The following PLCB1 variants were observed in gnomAD, a reference collection of about 807,000 sequenced individuals.
PLCB1 encodes phospholipase C beta 1, also known as 1-phosphatidylinositol 4,5-bisphosphate phosphodiesterase beta-1.
A neutral mutation model predicts 161.8 loss-of-function variants in PLCB1; 46 were observed. The observed-to-expected ratio is 0.28, with a 90% confidence interval of 0.22 to 0.36. The LOEUF is 0.36. Among genes scored for constraint, PLCB1 ranks in the 10% least tolerant of loss-of-function variants. The pLI is 1.00. For synonymous variants in PLCB1, 517 were observed against 503.7 expected, an observed-to-expected ratio of 1.03 and a Z score of -0.35; for missense variants, 1,016 against 1,472.5, an observed-to-expected ratio of 0.69 and a Z score of 5.07.
At chr20:8,386,370 A>G (rs973910368) in intron 3 of PLCB1, among the ~76,000 whole-genome samples, 2 of 152,190 alleles carry the variant, frequency 1.3e-5, no homozygotes, top group Non-Finnish European at 2.9e-5. Flanking sequence ...ATCTCCTTGT[A>G]TATCACCATC....
intron 2 of PLCB1, among the ~76,000 whole-genome samples, chr20:8,335,946 G>A (rs774372781): frequency 7.9e-5 from 12 of 152,178 alleles, no homozygotes; most frequent in African/African-American, 1.7e-4. Context: ...GGGTTCTGGC[G>A]CTGCTTCTAG....
chr20:8,807,935 T>C (rs578110066), intron 31 of PLCB1, among the ~76,000 whole-genome samples: 1 of 152,314 alleles, frequency 6.6e-6, no homozygotes, highest in Non-Finnish European at 1.5e-5. Context: ...GACAAAAGAC[T>C]ATGTTCATCA....
At chr20:8,198,997 G>T (rs763353840) in intron 2 of PLCB1, among the ~76,000 whole-genome samples, 6 of 151,586 alleles carry the variant, frequency 4.0e-5, no homozygotes, top group African/African-American at 4.9e-5. Context: ...TATCTGGACA[G>T]AAACATCTTA....
At chr20:8,680,401 G>A (rs1402765716) in intron 9 of PLCB1, among the ~76,000 whole-genome samples, 1 of 152,090 alleles carries the variant, frequency 6.6e-6, no homozygotes, top group African/African-American at 2.4e-5. Flanking sequence ...TGACCCCTTA[G>A]CTGACACCTA....
At chr20:8,310,616 A>C (rs566372309) in intron 2 of PLCB1, among the ~76,000 whole-genome samples, 1 of 152,000 alleles carries the variant, frequency 6.6e-6, no homozygotes, top group African/African-American at 2.4e-5. Context: ...TTTAATTTCC[A>C]TTTTTATTTT....
At chr20:8,726,918 A>G (rs1042932615) in intron 16 of PLCB1, among the ~76,000 whole-genome samples, 5 of 152,120 alleles carry the variant, frequency 3.3e-5, no homozygotes, top group African/African-American at 7.2e-5. Flanking sequence ...AAACATTCCC[A>G]TGGTCTCTTT....
At chr20:8,662,023 TAC>T (rs1989651393) in intron 9 of PLCB1, among the ~76,000 whole-genome samples, 1 of 22,024 alleles carries the variant, frequency 4.5e-5, no homozygotes, top group Non-Finnish European at 1.1e-4. Context: ...ATATATAATA[TAC>T]AATTATTTAT....
intron 9 of PLCB1, among the ~76,000 whole-genome samples, chr20:8,664,009 A>C (rs1236453373): frequency 6.6e-6 from 1 of 152,190 alleles, no homozygotes; most frequent in African/African-American, 2.4e-5. Context: ...GCAGACTTCA[A>C]CTGATATATC....
chr20:8,623,424 T>A (rs568152093), intron 3 of PLCB1, among the ~76,000 whole-genome samples: 1 of 152,324 alleles, frequency 6.6e-6, no homozygotes, highest in East Asian at 1.9e-4. Flanking sequence ...CTAAGCTAAT[T>A]ATATTTTCTC....
At chr20:8,834,233 G>A (rs1986165971) in intron 31 of PLCB1, among the ~76,000 whole-genome samples, 2 of 152,138 alleles carry the variant, frequency 1.3e-5, no homozygotes, top group South Asian at 4.2e-4. Flanking sequence ...GTTATAGCAT[G>A]TTGGATGTAG....
At chr20:8,829,410 A>G (rs6077431) in intron 31 of PLCB1, among the ~76,000 whole-genome samples, 43,962 of 152,134 alleles carry the variant, frequency 0.29, 6,524 homozygotes, top group Middle Eastern at 0.41. Context: ...ATTCAGATGA[A>G]CACCTTCGTG....
chr20:8,517,442 C>A (rs1332319083), intron 3 of PLCB1, among the ~76,000 whole-genome samples: 1 of 152,160 alleles, frequency 6.6e-6, no homozygotes, highest in Non-Finnish European at 1.5e-5. Context: ...TATTAAGGCT[C>A]ACATACAGGG....
chr20:8,475,853 AT>A (rs2122729224), intron 3 of PLCB1, among the ~76,000 whole-genome samples: 1 of 152,362 alleles, frequency 6.6e-6, no homozygotes, highest in South Asian at 2.1e-4. Context: ...GCTATTTTGT[AT>A]TACTATTTCC....
At chr20:8,364,176 G>C (rs996868941) in intron 2 of PLCB1, among the ~76,000 whole-genome samples, 1 of 152,164 alleles carries the variant, frequency 6.6e-6, no homozygotes, top group African/African-American at 2.4e-5. Flanking sequence ...GCTCCCGGAA[G>C]AATGCATGAA....
chr20:8,166,768 G>T (rs900396190), intron 2 of PLCB1, among the ~76,000 whole-genome samples: 1 of 151,806 alleles, frequency 6.6e-6, no homozygotes, highest in African/African-American at 2.4e-5. Flanking sequence ...CTTTCCTTTT[G>T]TGCTCCGTCC....
At chr20:8,874,965 G>A (rs6118366) in intron 31 of PLCB1, among the ~76,000 whole-genome samples, 8,442 of 151,508 alleles carry the variant, frequency 0.056, 460 homozygotes, top group African/African-American at 0.14. Context: ...GAATGTTATT[G>A]CTTCTTTAAA....
intron 2 of PLCB1, among the ~76,000 whole-genome samples, chr20:8,314,136 G>A (rs948742067): frequency 3.3e-5 from 5 of 152,058 alleles, no homozygotes; most frequent in African/African-American, 9.7e-5. Context: ...ATGGCATCTC[G>A]AGAGTCATCT....
intron 16 of PLCB1, among the ~76,000 whole-genome samples, chr20:8,726,032 T>C (rs1375396596): frequency 1.3e-5 from 2 of 152,094 alleles, no homozygotes; most frequent in Non-Finnish European, 2.9e-5. Context: ...GAAGCCAAGG[T>C]TTGCCTTAGA....
chr20:8,408,505 A>C (rs1978886962), intron 3 of PLCB1, among the ~76,000 whole-genome samples: 1 of 152,118 alleles, frequency 6.6e-6, no homozygotes, highest in Admixed American at 6.5e-5. Context: ...TCTGAATTGG[A>C]AGTTTTTTTT....
Sources: allele counts gnomAD v4.1 joint callset (sites outside exome capture counted in the v4.1 genomes callset), GRCh38; gene constraint gnomAD v4.1.1; transcripts MANE v1.5; gene names NCBI Gene and HGNC (gene_info 2026-07-23, HGNC 2026-07-21).